Variants in CRACD observed in about 807,000 individuals in gnomAD.
The protein encoded by CRACD is capping protein-inhibiting regulator of actin dynamics.
CRACD carries 56 observed loss-of-function variants against 106.8 expected under a neutral mutation model. That is an observed-to-expected ratio of 0.52 (90% CI 0.42 to 0.66). The LOEUF is 0.66. CRACD is among the 30% of genes least tolerant of loss of function. The probability of loss-of-function intolerance (pLI) is 0.00; values close to 1 mark genes in which losing one functional copy is unlikely to be tolerated. For synonymous variants in CRACD, 754 were observed against 670.8 expected (o/e 1.12, Z -1.92); for missense variants, 1,730 against 1,623.2 (o/e 1.07, Z -1.13).
intron 8 of CRACD, among the ~76,000 whole-genome samples, 183 bp from the exon 9 acceptor site, chr4:56,323,194 T>C (rs1746212028): frequency 1.3e-5 from 2 of 152,144 alleles, no homozygotes; most frequent in African/African-American, 4.8e-5. Context: ...TTTCTGGTGA[T>C]CAAACATGTT....
intron 3 of CRACD, among the ~76,000 whole-genome samples, chr4:56,289,755 G>A (rs1743598619): frequency 1.3e-5 from 2 of 151,676 alleles, no homozygotes; most frequent in South Asian, 4.2e-4. Flanking sequence ...AATCGTGGGT[G>A]AACTGGAACC....
intron 1 of CRACD, among the ~76,000 whole-genome samples, chr4:56,092,906 C>T (rs745969013): frequency 5.3e-5 from 8 of 152,096 alleles, no homozygotes; most frequent in Non-Finnish European, 4.4e-5. Context: ...CCACCACGCT[C>T]GGCCTCTTTT....
intron 1 of CRACD, among the ~76,000 whole-genome samples, chr4:56,088,337 G>A (rs939447397): frequency 4.6e-5 from 7 of 151,810 alleles, no homozygotes; most frequent in African/African-American, 1.5e-4. Context: ...ATTGTTCCCA[G>A]CTTATTTATT....
chr4:56,178,955 G>T (rs935384031), intron 1 of CRACD, among the ~76,000 whole-genome samples: 1 of 152,186 alleles, frequency 6.6e-6, no homozygotes, highest in Non-Finnish European at 1.5e-5. Flanking sequence ...GTGTCTTCTA[G>T]CTTCTTGAAT....
intron 4 of CRACD, among the ~76,000 whole-genome samples, chr4:56,301,934 G>A (rs979403236): frequency 6.6e-6 from 1 of 152,102 alleles, no homozygotes; most frequent in Admixed American, 6.5e-5. Flanking sequence ...GGCAGTTATA[G>A]GGACAAAACC....
intron 3 of CRACD, among the ~76,000 whole-genome samples, chr4:56,292,585 C>A (rs1446819923): frequency 5.3e-5 from 8 of 151,750 alleles, no homozygotes; most frequent in African/African-American, 1.9e-4. Context: ...AGTGCAGTGG[C>A]ACAGTCTCGG....
intron 1 of CRACD, among the ~76,000 whole-genome samples, chr4:56,108,217 A>G (rs1334567577): frequency 6.6e-6 from 1 of 152,178 alleles, no homozygotes; most frequent in African/African-American, 2.4e-5. Context: ...GTTGAGAAAC[A>G]TGGCAGACAC....
chr4:56,232,740 T>TTTA (rs1560494535), intron 2 of CRACD, among the ~76,000 whole-genome samples: 3 of 43,328 alleles, frequency 6.9e-5, no homozygotes, highest in Non-Finnish European at 4.9e-5. Context: ...TTATTTATTT[T>TTTA]TTGAGATGGA....
At chr4:56,299,801 T>TGTAA (rs1449599426) in intron 4 of CRACD, among the ~76,000 whole-genome samples, 10 of 150,992 alleles carry the variant, frequency 6.6e-5, no homozygotes, top group Non-Finnish European at 1.5e-4. Flanking sequence ...TCCACCTGTC[T>TGTAA]GTAAGTCTAC....
At chr4:56,173,951 T>C (rs1438791933) in intron 1 of CRACD, among the ~76,000 whole-genome samples, 2 of 152,250 alleles carry the variant, frequency 1.3e-5, no homozygotes, top group African/African-American at 4.8e-5. Context: ...ATCGTACTTT[T>C]GATTTGTATT....
At chr4:56,095,881 G>A (rs1282768676) in intron 1 of CRACD, among the ~76,000 whole-genome samples, 1 of 152,148 alleles carries the variant, frequency 6.6e-6, no homozygotes, top group African/African-American at 2.4e-5. Context: ...TGTTAGTTGT[G>A]GAGTAGTGAG....
At chr4:56,138,986 G>A (rs1417826101) in intron 1 of CRACD, among the ~76,000 whole-genome samples, 1 of 152,166 alleles carries the variant, frequency 6.6e-6, no homozygotes, top group Non-Finnish European at 1.5e-5. Flanking sequence ...GGGCCAGTGT[G>A]TATCATAATT....
intron 4 of CRACD, among the ~76,000 whole-genome samples, chr4:56,300,821 A>G (rs1022481376): frequency 6.6e-6 from 1 of 152,236 alleles, no homozygotes; most frequent in Non-Finnish European, 1.5e-5. Flanking sequence ...ATTCTGCAGT[A>G]TTGGAAAGAT....
intron 5 of CRACD, chr4:56,308,974 G>T: frequency 1.7e-6 from 2 of 1,164,228 alleles, no homozygotes; most frequent in Non-Finnish European, 2.3e-6. Context: ...TCTACAAGGG[G>T]CCCCCCATCT....
chr4:56,291,690 C>T (rs571668523), intron 3 of CRACD, among the ~76,000 whole-genome samples: 10 of 152,116 alleles, frequency 6.6e-5, no homozygotes, highest in Non-Finnish European at 1.0e-4. Flanking sequence ...CATACCTGCC[C>T]CCATTTTGCC....
intron 1 of CRACD, among the ~76,000 whole-genome samples, chr4:56,118,994 A>T (rs1734392390): frequency 6.6e-6 from 1 of 152,224 alleles, no homozygotes. Context: ...ATACAGAACA[A>T]TACAGCCAGT....
At chr4:56,061,226 A>T (rs1732258997) in intron 1 of CRACD, among the ~76,000 whole-genome samples, 1 of 152,288 alleles carries the variant, frequency 6.6e-6, no homozygotes, top group South Asian at 2.1e-4. Flanking sequence ...GCTGGAGTGC[A>T]GTGGCGCAAT....
chr4:56,237,763 AACACAT>A (rs920116673), intron 2 of CRACD, among the ~76,000 whole-genome samples: 4 of 98,540 alleles, frequency 4.1e-5, no homozygotes, highest in African/African-American at 1.4e-4. Context: ...CACACACACA[AACACAT>A]ACACATACAC....
At chr4:56,111,111 A>C (rs1734107799) in intron 1 of CRACD, among the ~76,000 whole-genome samples, 1 of 152,208 alleles carries the variant, frequency 6.6e-6, no homozygotes, top group Non-Finnish European at 1.5e-5. Context: ...AGTGGTAAGC[A>C]GCATTTATAT....
Sources: allele counts gnomAD v4.1 joint callset (sites outside exome capture counted in the v4.1 genomes callset), GRCh38; gene constraint gnomAD v4.1.1; transcripts MANE v1.5; gene names NCBI Gene and HGNC (gene_info 2026-07-23, HGNC 2026-07-21).